The following CADM2 variants were observed in gnomAD, a reference collection of about 807,000 sequenced individuals.
The protein encoded by CADM2 is cell adhesion molecule 2.
In CADM2, 12 loss-of-function variants were observed where a neutral mutation model predicts 49.8. The ratio of observed to expected loss-of-function variants is 0.24; its 90% CI spans 0.15 to 0.39. The LOEUF is 0.39. Among genes scored for constraint, CADM2 ranks in the 10% least tolerant of loss-of-function variants. The pLI is 1.00. For synonymous variants in CADM2, 214 were observed against 175.4 expected (o/e 1.22, Z -1.74); for missense variants, 378 against 492.3 (o/e 0.77, Z 2.20).
intron 1 of CADM2, among the ~76,000 whole-genome samples, chr3:85,553,658 G>A (rs2029133): frequency 0.51 from 77,968 of 152,052 alleles, 23,072 homozygotes; most frequent in East Asian, 0.85. Context: ...AATATCTCCC[G>A]TTCAGCACTT....
At chr3:85,096,976 T>C (rs1012009423) in intron 1 of CADM2, among the ~76,000 whole-genome samples, 1 of 152,170 alleles carries the variant, frequency 6.6e-6, no homozygotes, top group Non-Finnish European at 1.5e-5. Context: ...TGCCAGTATC[T>C]TTGTATAGAG....
intron 6 of CADM2, among the ~76,000 whole-genome samples, chr3:85,931,688 C>A (rs1720620748): frequency 1.3e-5 from 2 of 151,884 alleles, no homozygotes; most frequent in South Asian, 4.1e-4. Context: ...ATTAAATAAG[C>A]AAGGAATCTC....
chr3:85,224,592 G>A (rs1442210426), intron 1 of CADM2, among the ~76,000 whole-genome samples: 1 of 152,136 alleles, frequency 6.6e-6, no homozygotes, highest in Non-Finnish European at 1.5e-5. Context: ...CTGTGCAGAA[G>A]CTCTTTAGTT....
chr3:85,145,898 A>G (rs1035383984), intron 1 of CADM2, among the ~76,000 whole-genome samples: 2 of 152,180 alleles, frequency 1.3e-5, no homozygotes, highest in African/African-American at 4.8e-5. Flanking sequence ...CGGCAATGGT[A>G]GAATCTTTGT....
chr3:85,821,787 T>C (rs981353856), intron 3 of CADM2, among the ~76,000 whole-genome samples: 2 of 152,190 alleles, frequency 1.3e-5, no homozygotes, highest in African/African-American at 4.8e-5. Context: ...AATGCTTTTG[T>C]AATGTACAAT....
chr3:85,030,563 A>G (rs1254268078), intron 1 of CADM2, among the ~76,000 whole-genome samples: 1 of 152,162 alleles, frequency 6.6e-6, no homozygotes, highest in Non-Finnish European at 1.5e-5. Flanking sequence ...TGCTGTCTCC[A>G]TAGAAATTGC....
intron 1 of CADM2, among the ~76,000 whole-genome samples, chr3:85,640,752 G>A (rs892308471): frequency 6.6e-6 from 1 of 152,132 alleles, no homozygotes; most frequent in Admixed American, 6.5e-5. Context: ...ACACCTTAAA[G>A]GATAAATGAA....
intron 1 of CADM2, among the ~76,000 whole-genome samples, chr3:85,149,978 T>C (rs1277844612): frequency 6.6e-6 from 1 of 152,226 alleles, no homozygotes; most frequent in Non-Finnish European, 1.5e-5. Flanking sequence ...TTCTGATAAC[T>C]AGAAAGAAGC....
rs755977741 is a variant in CADM2, at chr3:85,138,078, C to T, written c.61+178410C>T. ...ACAAGATACAATTATTTTTATAGTT[C>T]ATAGGACAGAGTCGATTTTGGTTAC... On this transcript the variant is annotated intron_variant, in intron 1 of 9. Transcript: ENST00000383699. 7.9e-5 allele frequency among the ~76,000 whole-genome samples: 12 copies of T among 152,036 alleles called. No individual in the cohort carries two copies. In the East Asian group the frequency reaches 1.7e-3, roughly 22 times the overall value.
chr3:85,637,637 A>AAAATAAAATAAAATAAAATAAAATAAAAT, intron 1 of CADM2, among the ~76,000 whole-genome samples: 2 of 147,460 alleles, frequency 1.4e-5, no homozygotes, highest in Non-Finnish European at 3.0e-5. Context: ...AAAATAAAAT[A>AAAATAAAATAAAATAAAATAAAATAAAAT]AATAAATAAA....
chr3:85,363,675 G>A (rs1047460620), intron 1 of CADM2, among the ~76,000 whole-genome samples: 2 of 152,110 alleles, frequency 1.3e-5, no homozygotes, highest in Non-Finnish European at 2.9e-5. Context: ...GCAGTGGCTC[G>A]ATCTTGGCTC....
At chr3:85,979,423 A>G (rs1727204317) in intron 8 of CADM2, 1 of 915,176 alleles carries the variant, frequency 1.1e-6, no homozygotes, top group Admixed American at 2.6e-5. Flanking sequence ...GCTATCAATT[A>G]GGGTTATTGG....
chr3:84,990,139 A>T (rs2032799212), intron 1 of CADM2, among the ~76,000 whole-genome samples: 1 of 151,724 alleles, frequency 6.6e-6, no homozygotes, highest in African/African-American at 2.4e-5. Context: ...CAAGAATATA[A>T]TTCTATCCAT....
At chr3:85,131,912 A>G (rs574689279) in intron 1 of CADM2, among the ~76,000 whole-genome samples, 221 of 151,762 alleles carry the variant, frequency 1.5e-3, no homozygotes, top group African/African-American at 4.9e-3. Context: ...GTCAGTAGAG[A>G]CACACAGAAT....
intron 1 of CADM2, among the ~76,000 whole-genome samples, chr3:85,584,728 A>G (rs1457937116): frequency 6.6e-6 from 1 of 152,080 alleles, no homozygotes; most frequent in African/African-American, 2.4e-5. Flanking sequence ...TTAATTTTTC[A>G]TGGATTCTGA....
chr3:85,708,635 T>A (rs2067021659), intron 1 of CADM2, among the ~76,000 whole-genome samples: 2 of 152,276 alleles, frequency 1.3e-5, no homozygotes, highest in East Asian at 1.9e-4. Flanking sequence ...TCTTATTTTT[T>A]AAAAAGTTAA....
At chr3:85,841,210 G>A (rs73845692) in intron 3 of CADM2, among the ~76,000 whole-genome samples, 7,866 of 151,650 alleles carry the variant, frequency 0.052, 571 homozygotes, top group African/African-American at 0.16. Context: ...TGAATATTAC[G>A]GGTAATGGTA....
chr3:85,161,392 G>A (rs1409103209), intron 1 of CADM2, among the ~76,000 whole-genome samples: 1 of 152,048 alleles, frequency 6.6e-6, no homozygotes, highest in East Asian at 1.9e-4. Context: ...CCAGAGGTAC[G>A]CCCTGGGCTC....
At chr3:85,932,247 A>G (rs1425608546) in intron 6 of CADM2, among the ~76,000 whole-genome samples, 1 of 152,154 alleles carries the variant, frequency 6.6e-6, no homozygotes, top group Non-Finnish European at 1.5e-5. Context: ...CGTGGATGCT[A>G]GTGGTATCTA....
Sources: allele counts gnomAD v4.1 joint callset (sites outside exome capture counted in the v4.1 genomes callset), GRCh38; gene constraint gnomAD v4.1.1; transcripts MANE v1.5; gene names NCBI Gene and HGNC (gene_info 2026-07-23, HGNC 2026-07-21).